The following CUL5 variants were observed in gnomAD, a reference collection of about 807,000 sequenced individuals.
CUL5 encodes the protein cullin-5.
In CUL5, 26 loss-of-function variants were observed where a neutral mutation model predicts 108.8. The observed-to-expected ratio is 0.24, with a 90% CI of 0.18 to 0.33. CUL5 has a LOEUF of 0.33. Ranked by LOEUF, CUL5 falls within the 10% of genes least tolerant of loss-of-function variation. The probability of loss-of-function intolerance (pLI) is 1.00; values close to 1 mark genes in which losing one functional copy is unlikely to be tolerated. For synonymous variants in CUL5, 334 were observed against 298.0 expected (o/e 1.12, Z -1.25); for missense variants, 524 against 909.2 (o/e 0.58, Z 5.45).
At chr11:108,017,854 A>C (rs545065876) in intron 1 of CUL5, among the ~76,000 whole-genome samples, 1 of 152,334 alleles carries the variant, frequency 6.6e-6, no homozygotes, top group Admixed American at 6.5e-5. Context: ...CTCAAAAAAA[A>C]AAAGTGTTCG....
At chr11:108,095,078 CCT>C (rs1864456361) in intron 15 of CUL5, 91 bp downstream of exon 15, 9 of 1,110,700 alleles carry the variant, frequency 8.1e-6, no homozygotes, top group Non-Finnish European at 1.1e-5. Context: ...TAGATTTTTG[CCT>C]CTCTCACATG....
intron 18 of CUL5, among the ~76,000 whole-genome samples, chr11:108,101,009 CAG>C (rs1461349473): frequency 1.3e-5 from 2 of 152,092 alleles, no homozygotes; most frequent in Non-Finnish European, 1.5e-5. Flanking sequence ...AGCCTGGCAA[CAG>C]AGCAAGACTC....
intron 11 of CUL5, among the ~76,000 whole-genome samples, chr11:108,084,722 A>C (rs1418480654): frequency 2.0e-5 from 3 of 152,262 alleles, no homozygotes; most frequent in Non-Finnish European, 1.5e-5. Flanking sequence ...GAGTTAGCAC[A>C]TAAGGACTTT....
At position 108,104,258 on chromosome 11, in the gene CUL5, A is replaced by G. The variant is rs755423974; in HGVS notation, c.2217A>G (p.Val739=). Residue 739 remains valine, a synonymous_variant, in exon 19 of 19, where the codon GTA becomes GTG. Coordinates refer to ENST00000393094, the MANE Select transcript of CUL5 (RefSeq NM_003478.6). ...ISNAQLQTEL[V]EILKNMFLPQ... ...ATGCTCAGCTGCAGACTGAATTAGTAGAAATTTTGAAAAACATGTTCTTGC... is the reference window on the plus strand; with the variant it reads ...ATGCTCAGCTGCAGACTGAATTAGTGGAAATTTTGAAAAACATGTTCTTGC... The G allele has an allele frequency of 6.2e-7, 1 of 1,610,008 alleles. No individual in the cohort carries two copies. Among genetic ancestry groups the G allele is most frequent in the South Asian group, 1.1e-5 (1 of 89,820 alleles).
chr11:108,020,796 A>G (rs1309658162), intron 1 of CUL5, among the ~76,000 whole-genome samples: 1 of 152,228 alleles, frequency 6.6e-6, no homozygotes, highest in East Asian at 1.9e-4. Flanking sequence ...TTATTATTGA[A>G]GAAAAATATT....
At chr11:108,014,667 A>G (rs552905799) in intron 1 of CUL5, among the ~76,000 whole-genome samples, 163 of 152,344 alleles carry the variant, frequency 1.1e-3, no homozygotes, top group Non-Finnish European at 1.9e-3. Flanking sequence ...AATTAAGTCT[A>G]TGGGAAATAC....
chr11:108,018,983 A>T (rs1425559285), intron 1 of CUL5, among the ~76,000 whole-genome samples: 1 of 152,118 alleles, frequency 6.6e-6, no homozygotes, highest in East Asian at 1.9e-4. Flanking sequence ...TCAGAAAAAA[A>T]TTGCGTCTGT....
intron 2 of CUL5, among the ~76,000 whole-genome samples, chr11:108,043,390 A>G (rs1862984414): frequency 1.3e-5 from 2 of 152,064 alleles, no homozygotes; most frequent in Non-Finnish European, 1.5e-5. Flanking sequence ...CTTCTTTTAG[A>G]CTCTAGATTC....
chr11:108,095,015 A>G (rs781475555), intron 15 of CUL5, 28 bp downstream of exon 15: 1 of 1,568,882 alleles, frequency 6.4e-7, no homozygotes, highest in South Asian at 1.2e-5. Flanking sequence ...TAGTTATTTC[A>G]GCTTTCAGTT....
At chr11:108,089,237 C>G (rs1036057824) in intron 12 of CUL5, among the ~76,000 whole-genome samples, 4 of 151,468 alleles carry the variant, frequency 2.6e-5, no homozygotes, top group African/African-American at 9.8e-5. Context: ...TAAAGTATAT[C>G]GTTGCATTTT....
intron 2 of CUL5, among the ~76,000 whole-genome samples, chr11:108,036,683 G>T (rs1001675318): frequency 2.0e-5 from 3 of 152,160 alleles, no homozygotes; most frequent in African/African-American, 7.2e-5. Context: ...TCACCATGTT[G>T]GCCGGGATGG....
In CUL5 at chr11:108,096,346, AC is replaced by A. The variant is rs1256783805; in HGVS notation, c.1905+656del. 3.3e-3 allele frequency among the ~76,000 whole-genome samples: 442 copies of A among 134,938 alleles called. 1 individual carries two copies. The highest frequency in any genetic ancestry group is 0.011 in the African/African-American group (387 of 35,928). 88.5% of individuals were successfully genotyped at this position (134,938 alleles called of 152,430 possible). A position where few individuals can be genotyped will look rare whatever the true frequency, so the allele number is the denominator to read the frequency against. On this transcript the variant is annotated intron_variant, in intron 16 of 18. Coordinates refer to ENST00000393094, the MANE Select transcript of CUL5 (RefSeq NM_003478.6). ...CCATCTCTAAAAAAAAAAAAAAAAA[AC>A]AAATTAGCCAGCTTGGTGGCTGTAT...
At chr11:108,083,511 C>G (rs1004438439) in intron 11 of CUL5, among the ~76,000 whole-genome samples, 1 of 152,216 alleles carries the variant, frequency 6.6e-6, no homozygotes, top group Admixed American at 6.5e-5. Context: ...CATTTCTAGG[C>G]TGGGTGCCAT....
intron 1 of CUL5, among the ~76,000 whole-genome samples, chr11:108,012,771 A>G (rs1862086309): frequency 6.6e-6 from 1 of 151,636 alleles, no homozygotes; most frequent in Non-Finnish European, 1.5e-5. Context: ...TTATTTTTGT[A>G]TTTTTAGTAG....
intron 1 of CUL5, among the ~76,000 whole-genome samples, chr11:108,020,059 G>T (rs1040803189): frequency 2.0e-5 from 3 of 152,034 alleles, no homozygotes; most frequent in Non-Finnish European, 2.9e-5. Context: ...GCATTCATCT[G>T]TACATGAGGG....
intron 16 of CUL5, among the ~76,000 whole-genome samples, chr11:108,096,139 T>C (rs1864486707): frequency 6.7e-6 from 1 of 148,912 alleles, no homozygotes; most frequent in Non-Finnish European, 1.5e-5. Context: ...ACACGAGATA[T>C]TTATGGAAAA....
chr11:108,014,864 A>G (rs1862140450), intron 1 of CUL5, among the ~76,000 whole-genome samples: 1 of 152,130 alleles, frequency 6.6e-6, no homozygotes, highest in Non-Finnish European at 1.5e-5. Context: ...ACCAGGGTAA[A>G]AGAGAGAGTG....
At chr11:108,030,878 G>A (rs1862563765) in intron 1 of CUL5, among the ~76,000 whole-genome samples, 1 of 152,196 alleles carries the variant, frequency 6.6e-6, no homozygotes, top group Non-Finnish European at 1.5e-5. Context: ...TTCCGATCCA[G>A]TAGGCCTGAG....
rs1191027692 is a variant in CUL5, at chr11:108,104,987, G to A, written c.*603G>A. The A allele has an allele frequency of 6.6e-6, 1 of 152,184 alleles. No homozygotes were observed. The highest frequency in any genetic ancestry group is 1.5e-5 in the Non-Finnish European group (1 of 67,942). 9.4% of individuals were successfully genotyped at this position (152,184 alleles called of 1,614,324 possible). A position where few individuals can be genotyped will look rare whatever the true frequency, so the allele number is the denominator to read the frequency against. ...GGATTTTAATGGTGACCTAAAAATG[G>A]TATTAAATATTTTCAACTTTCAAAT... On this transcript the variant is annotated 3_prime_UTR_variant, in exon 19 of 19. Coordinates refer to ENST00000393094, the MANE Select transcript of CUL5 (RefSeq NM_003478.6).
Sources: allele counts gnomAD v4.1 joint callset (sites outside exome capture counted in the v4.1 genomes callset), GRCh38; gene constraint gnomAD v4.1.1; transcripts MANE v1.5; gene names NCBI Gene and HGNC (gene_info 2026-07-23, HGNC 2026-07-21).